Variants in CASP6 observed in about 807,000 individuals in gnomAD.
CASP6 encodes the protein caspase 6, also known as caspase-6.
A neutral mutation model predicts 31.8 loss-of-function variants in CASP6; 20 were observed. The ratio of observed to expected loss-of-function variants is 0.63; its 90% CI spans 0.44 to 0.91. The LOEUF (loss-of-function observed/expected upper bound fraction) is 0.91, where lower values mean the gene tolerates loss of function less well. Among genes scored for constraint, CASP6 ranks in the 40% least tolerant of loss-of-function variants. CASP6 has a pLI of 0.00. For synonymous variants in CASP6, 130 were observed against 127.8 expected (o/e 1.02, Z -0.12); for missense variants, 328 against 361.1 (o/e 0.91, Z 0.74).
intron 1 of CASP6, among the ~76,000 whole-genome samples, chr4:109,699,419 A>G (rs986840742): frequency 3.3e-5 from 5 of 152,070 alleles, no homozygotes; most frequent in African/African-American, 1.2e-4. Flanking sequence ...AAAAAAATAC[A>G]AGGTGGGGAA....
At chr4:109,687,582 A>AAAAG (rs773908300), downstream of CASP6, 8 of 1,603,936 alleles carry the variant, frequency 5.0e-6, no homozygotes, top group Admixed American at 1.3e-4. Flanking sequence ...GAACTCAATG[A>AAAAG]AAAGAATTAA....
Position 109,698,379 on chromosome 4 carries a change from ACT to A in CASP6, c.41-39_41-38del, listed in dbSNP as rs1190857362. 8.3e-6 allele frequency: 13 copies of A among 1,568,544 alleles called. 1 individual carries two copies. The African/African-American group carries it at 9.5e-5, about 11-fold the overall frequency. ...AGTTGATTTTTGTTAATTATTTTTT[ACT>A]TATGGCAGTAAAATATAGTAGGAAC... On this transcript the variant is annotated intron_variant, in intron 1 of 6. Transcript: ENST00000265164.
At chr4:109,670,631 G>T in the CASP6 span, among the ~76,000 whole-genome samples, 1 of 151,680 alleles carries the variant, frequency 6.6e-6, no homozygotes, top group Non-Finnish European at 1.5e-5. Flanking sequence ...CAGGAGAATC[G>T]CTTGAACCCG....
upstream of CASP6, chr4:109,703,504 C>G: frequency 4.3e-6 from 6 of 1,403,696 alleles, no homozygotes; most frequent in South Asian, 1.3e-5. Flanking sequence ...CCCCTGCCCC[C>G]GAGCGTGGGG....
At chr4:109,701,282 C>G (rs1362596500) in intron 1 of CASP6, among the ~76,000 whole-genome samples, 1 of 152,120 alleles carries the variant, frequency 6.6e-6, no homozygotes, top group Non-Finnish European at 1.5e-5. Context: ...ATTTAAAAAC[C>G]TGGATAAAGT....
the CASP6 span, among the ~76,000 whole-genome samples, chr4:109,669,403 A>G: frequency 2.0e-5 from 3 of 151,914 alleles, no homozygotes; most frequent in African/African-American, 4.8e-5. Flanking sequence ...TTTCTCTGCT[A>G]TAGCTAAGGG....
downstream of CASP6, chr4:109,684,570 T>C (rs761018414): frequency 6.2e-7 from 1 of 1,605,622 alleles, no homozygotes; most frequent in South Asian, 1.1e-5. Flanking sequence ...TCCTGGGATA[T>C]CATGGAGCCA....
At chr4:109,679,128 G>A in the CASP6 span, among the ~76,000 whole-genome samples, 3 of 149,254 alleles carry the variant, frequency 2.0e-5, no homozygotes, top group South Asian at 4.3e-4. Context: ...CCTCCCAGAC[G>A]GGATGGCCGG....
chr4:109,672,392 G>A, the CASP6 span, among the ~76,000 whole-genome samples: 1 of 152,132 alleles, frequency 6.6e-6, no homozygotes, highest in African/African-American at 2.4e-5. Flanking sequence ...GAAAGTGTGG[G>A]AGTTTTTCCT....
chr4:109,671,312 CT>C, the CASP6 span, among the ~76,000 whole-genome samples: 1 of 152,144 alleles, frequency 6.6e-6, no homozygotes, highest in African/African-American at 2.4e-5. Flanking sequence ...AATAGTGCTG[CT>C]TTTCCCTTCT....
intron 4 of CASP6, among the ~76,000 whole-genome samples, chr4:109,696,105 C>T (rs1730230504): frequency 6.6e-6 from 1 of 152,092 alleles, no homozygotes; most frequent in African/African-American, 2.4e-5. Flanking sequence ...CTGTTGACTG[C>T]CCAGCACCTG....
the CASP6 span, among the ~76,000 whole-genome samples, chr4:109,679,741 A>G: frequency 1.3e-5 from 2 of 152,238 alleles, no homozygotes; most frequent in Non-Finnish European, 2.9e-5. Flanking sequence ...CAGTTACTTT[A>G]GAAAGCTTGC....
downstream of CASP6, chr4:109,684,806 C>T (rs1279694932): frequency 7.3e-6 from 4 of 547,092 alleles, no homozygotes; most frequent in Admixed American, 1.4e-4. Flanking sequence ...TGAATGAAGA[C>T]TCACAACACA....
the CASP6 span, among the ~76,000 whole-genome samples, chr4:109,667,566 C>G: frequency 3.3e-5 from 5 of 149,734 alleles, no homozygotes; most frequent in African/African-American, 1.2e-4. Context: ...CTGTGGGTTT[C>G]CTGTTCTCAA....
intron 3 of CASP6, among the ~76,000 whole-genome samples, chr4:109,697,135 C>T (rs1417388062): frequency 1.3e-5 from 2 of 151,952 alleles, no homozygotes; most frequent in Admixed American, 1.3e-4. Flanking sequence ...GGCCCATGCT[C>T]CAACACTCTT....
At chr4:109,679,573 G>A in the CASP6 span, among the ~76,000 whole-genome samples, 2 of 152,234 alleles carry the variant, frequency 1.3e-5, no homozygotes, top group African/African-American at 4.8e-5. Context: ...AGCGAGCCGA[G>A]ATCATGGCAG....
chr4:109,708,692 T>C, the CASP6 span, among the ~76,000 whole-genome samples: 1 of 152,368 alleles, frequency 6.6e-6, no homozygotes, highest in South Asian at 2.1e-4. Flanking sequence ...TTTGTCATTT[T>C]TTCTCCATAA....
chr4:109,698,156 C>T (rs1730309418), intron 2 of CASP6, 144 bp downstream of exon 2: 1 of 798,940 alleles, frequency 1.3e-6, no homozygotes, highest in Non-Finnish European at 2.0e-6. Flanking sequence ...ACCTGCCTAT[C>T]TACAAATGAG....
chr4:109,666,241 G>A, the CASP6 span, among the ~76,000 whole-genome samples: 2 of 152,210 alleles, frequency 1.3e-5, no homozygotes, highest in African/African-American at 4.8e-5. Flanking sequence ...TGGCAATTAT[G>A]AATGGAGTTG....
Sources: allele counts gnomAD v4.1 joint callset (sites outside exome capture counted in the v4.1 genomes callset), GRCh38; gene constraint gnomAD v4.1.1; transcripts MANE v1.5; gene names NCBI Gene and HGNC (gene_info 2026-07-23, HGNC 2026-07-21).